The following YWHAG variants were observed in gnomAD, a reference collection of about 807,000 sequenced individuals.
The protein encoded by YWHAG is 14-3-3 protein gamma.
In YWHAG, 1 loss-of-function variant was observed where a neutral mutation model predicts 23.3. The observed-to-expected ratio is 0.04, with a 90% CI of 0.02 to 0.20. The LOEUF (loss-of-function observed/expected upper bound fraction) is 0.20, where lower values mean the gene tolerates loss of function less well. Ranked by LOEUF, YWHAG falls within the 10% of genes least tolerant of loss-of-function variation. The pLI is 1.00. For missense variants in YWHAG, 151 were observed against 338.6 expected (o/e 0.45, Z 4.35); for synonymous variants, 160 against 144.0 (o/e 1.11, Z -0.80).
At chr7:76,351,389 G>GT (rs1325074605) in intron 1 of YWHAG, among the ~76,000 whole-genome samples, 1 of 81,390 alleles carries the variant, frequency 1.2e-5, no homozygotes, top group Non-Finnish European at 2.1e-5. Context: ...TCTGAGTAGG[G>GT]TCTTTTCAAC....
chr7:76,355,162 A>G (rs1333439951), intron 1 of YWHAG, among the ~76,000 whole-genome samples: 1 of 152,214 alleles, frequency 6.6e-6, no homozygotes, highest in Non-Finnish European at 1.5e-5. Flanking sequence ...AATGTACCCA[A>G]TGCCACTCAA....
intron 1 of YWHAG, among the ~76,000 whole-genome samples, chr7:76,342,249 G>T (rs1446796965): frequency 6.6e-6 from 1 of 152,160 alleles, no homozygotes; most frequent in Non-Finnish European, 1.5e-5. Context: ...CCTGCCATGG[G>T]TATCTGTCAT....
At chr7:76,336,376 T>C (rs1368438547) in intron 1 of YWHAG, among the ~76,000 whole-genome samples, 1 of 152,052 alleles carries the variant, frequency 6.6e-6, no homozygotes, top group Non-Finnish European at 1.5e-5. Context: ...AAGGCTGTGC[T>C]TGTGTGGGGC....
intron 1 of YWHAG, among the ~76,000 whole-genome samples, chr7:76,353,081 T>A (rs1023226917): frequency 6.6e-6 from 1 of 152,228 alleles, no homozygotes. Flanking sequence ...CTTCACCAGT[T>A]CTTTAAACAG....
chr7:76,354,499 G>A (rs147942199), intron 1 of YWHAG, among the ~76,000 whole-genome samples: 4 of 152,268 alleles, frequency 2.6e-5, no homozygotes, highest in African/African-American at 9.6e-5. Context: ...CAGCCTGGGT[G>A]ACAGAGCAAG....
At chr7:76,358,306 G>A (rs367855879) in intron 1 of YWHAG, among the ~76,000 whole-genome samples, 30 of 152,316 alleles carry the variant, frequency 2.0e-4, no homozygotes, top group Admixed American at 1.5e-3. Context: ...CCAGACACCA[G>A]GGAGAGAAAG....
intron 1 of YWHAG, among the ~76,000 whole-genome samples, chr7:76,332,806 C>G (rs1418793334): frequency 4.0e-5 from 6 of 151,360 alleles, no homozygotes; most frequent in Non-Finnish European, 1.5e-5. Flanking sequence ...CAAGTTCAAG[C>G]GATTCTCCTG....
chr7:76,354,293 C>G (rs1803917856), intron 1 of YWHAG, among the ~76,000 whole-genome samples: 1 of 151,958 alleles, frequency 6.6e-6, no homozygotes, highest in Non-Finnish European at 1.5e-5. Context: ...GGCAGATCAC[C>G]TGAAGTCAGG....
intron 1 of YWHAG, among the ~76,000 whole-genome samples, chr7:76,354,451 C>T (rs1047597814): frequency 4.6e-5 from 7 of 151,810 alleles, no homozygotes; most frequent in Non-Finnish European, 8.8e-5. Flanking sequence ...GCAGAGGTTG[C>T]GGTGAGCCGA....
At chr7:76,341,700 T>C (rs773616150) in intron 1 of YWHAG, among the ~76,000 whole-genome samples, 2 of 151,784 alleles carry the variant, frequency 1.3e-5, no homozygotes, top group East Asian at 1.9e-4. Context: ...TCCATAGAAA[T>C]AGAAAGCAGA....
At chr7:76,352,803 C>A (rs1026555050) in intron 1 of YWHAG, among the ~76,000 whole-genome samples, 1 of 152,162 alleles carries the variant, frequency 6.6e-6, no homozygotes, top group African/African-American at 2.4e-5. Flanking sequence ...GCATGCGCCA[C>A]CATGCCCAGC....
intron 1 of YWHAG, among the ~76,000 whole-genome samples, chr7:76,339,704 A>G (rs1302442228): frequency 6.6e-6 from 1 of 152,158 alleles, no homozygotes. Context: ...TGCTCAGCCT[A>G]TTCAACACGA....
rs144143195 is a variant in YWHAG, at chr7:76,329,970, G to A, written c.351C>T (p.Tyr117=). The change falls in exon 2 of 2, where the codon TAC becomes TAT. Residue 117 remains tyrosine (Y), a synonymous_variant. Coordinates refer to ENST00000307630, the MANE Select transcript of YWHAG (RefSeq NM_012479.4). The surrounding 1 kb of genome is among the most constrained non-coding windows in gnomAD (Gnocchi z 6.1). ...YLIKNCSETQ[Y]ESKVFYLKMK... ...TCTTCAGGTAGAACACTTTGCTCTC[G>A]TACTGGGTCTCGCTGCAATTCTTGA... The A allele has an allele frequency of 1.2e-5, 20 of 1,614,000 alleles. No individual in the cohort carries two copies. Among genetic ancestry groups the A allele is most frequent in the African/African-American group, 2.7e-5 (2 of 74,900 alleles).
chr7:76,340,271 T>C (rs760620016), intron 1 of YWHAG, among the ~76,000 whole-genome samples: 5 of 152,254 alleles, frequency 3.3e-5, no homozygotes, highest in Admixed American at 6.5e-5. Flanking sequence ...ATATAACCTA[T>C]GGTTTCCAAA....
chr7:76,343,928 G>A (rs1004421243), intron 1 of YWHAG, among the ~76,000 whole-genome samples: 9 of 152,096 alleles, frequency 5.9e-5, no homozygotes, highest in Admixed American at 1.3e-4. Flanking sequence ...CACTAATACC[G>A]TATTTCACAG....
rs79081950 is a variant in YWHAG, at chr7:76,346,694, C to A, written c.87+12028G>T. Among the ~76,000 whole-genome samples, 27 of 152,262 alleles carry A rather than the reference C, an allele frequency of 1.8e-4. No homozygotes were observed. In the East Asian group the frequency reaches 5.2e-3, roughly 29 times the overall value. Reference sequence around the variant, plus strand: ...CCAGGTCCCTGAAGACTAGACCTGACAATCTACTCCTCAGCCTCCCCTTGC... The same window carrying A: ...CCAGGTCCCTGAAGACTAGACCTGAAAATCTACTCCTCAGCCTCCCCTTGC... On this transcript the variant is annotated intron_variant, in intron 1 of 1. Transcript: ENST00000307630.
Position 76,355,900 on chromosome 7 carries a change from G to A in YWHAG, c.87+2822C>T, listed in dbSNP as rs551195928. On this transcript the variant is annotated intron_variant, in intron 1 of 1. Transcript: ENST00000307630. ...AGGACAAGACAGTATTGTCTAATACGTAGGATACATCTAGGTGTTCACTCT... is the reference window on the plus strand; with the variant it reads ...AGGACAAGACAGTATTGTCTAATACATAGGATACATCTAGGTGTTCACTCT... Among the ~76,000 whole-genome samples, 379 of 152,266 alleles carry A rather than the reference G, an allele frequency of 2.5e-3. 1 individual carries two copies. Among genetic ancestry groups the A allele is most frequent in the Non-Finnish European group, 3.8e-3 (261 of 68,030 alleles).
chr7:76,341,363 C>T, intron 1 of YWHAG, among the ~76,000 whole-genome samples: 2 of 132,370 alleles, frequency 1.5e-5, no homozygotes, highest in Non-Finnish European at 3.1e-5. Flanking sequence ...GAGGTGGCGC[C>T]ACTGCACTCC....
At chr7:76,331,064 A>G (rs1025794189) in intron 1 of YWHAG, among the ~76,000 whole-genome samples, 2 of 152,220 alleles carry the variant, frequency 1.3e-5, no homozygotes, top group East Asian at 1.9e-4. Flanking sequence ...CCTGGTTTCT[A>G]TAGTATCAGA....
Sources: allele counts gnomAD v4.1 joint callset (sites outside exome capture counted in the v4.1 genomes callset), GRCh38; gene constraint gnomAD v4.1.1; non-coding constraint Gnocchi (gnomAD v3.1); transcripts MANE v1.5; gene names NCBI Gene and HGNC (gene_info 2026-07-23, HGNC 2026-07-21).